Variants in DENND2C observed in about 807,000 individuals in gnomAD.
DENND2C encodes DENN domain containing 2C.
Under a neutral mutation model 112.4 loss-of-function variants are expected in DENND2C, and 72 were observed. The observed-to-expected ratio is 0.64, with a 90% CI of 0.53 to 0.78. The LOEUF (loss-of-function observed/expected upper bound fraction) is 0.78, where lower values mean the gene tolerates loss of function less well. Ranked by LOEUF, DENND2C falls within the 30% of genes least tolerant of loss-of-function variation. The pLI, the probability that DENND2C is intolerant of heterozygous loss-of-function variation, is 0.00. For missense variants in DENND2C, 992 were observed against 1,113.8 expected, an observed-to-expected ratio of 0.89 and a Z score of 1.56; for synonymous variants, 329 against 381.6, an observed-to-expected ratio of 0.86 and a Z score of 1.61.
chr1:114,649,029 A>G (rs1238346156), intron 2 of DENND2C, among the ~76,000 whole-genome samples: 1 of 151,318 alleles, frequency 6.6e-6, no homozygotes, highest in Non-Finnish European at 1.5e-5. Context: ...ATCTTGGCTC[A>G]CTGCAACATC....
At chr1:114,597,963 T>C (rs1158665301) in intron 16 of DENND2C, among the ~76,000 whole-genome samples, 1 of 152,154 alleles carries the variant, frequency 6.6e-6, no homozygotes, top group Non-Finnish European at 1.5e-5. Flanking sequence ...GGCTAAATTA[T>C]ACAACTGATG....
chr1:114,622,803 C>CA (rs370119447), intron 6 of DENND2C, among the ~76,000 whole-genome samples, 184 bp downstream of exon 6: 399 of 100,562 alleles, frequency 4.0e-3, no homozygotes, highest in Non-Finnish European at 6.2e-3. Context: ...AAACAACAAC[C>CA]AAAAAAAAAA....
At chr1:114,621,436 T>C (rs538465660) in intron 7 of DENND2C, among the ~76,000 whole-genome samples, 130 of 152,208 alleles carry the variant, frequency 8.5e-4, no homozygotes, top group Non-Finnish European at 1.6e-3. Flanking sequence ...TCCCAAGTAA[T>C]AGATTTGTTT....
chr1:114,663,520 A>G (rs1657556898), intron 1 of DENND2C, among the ~76,000 whole-genome samples: 1 of 152,214 alleles, frequency 6.6e-6, no homozygotes, highest in Non-Finnish European at 1.5e-5. Context: ...AACAGGAGGT[A>G]TGATTTCGAA....
chr1:114,585,925 C>G (rs1655026161), intron 20 of DENND2C, among the ~76,000 whole-genome samples: 1 of 152,016 alleles, frequency 6.6e-6, no homozygotes, highest in South Asian at 2.1e-4. Context: ...TCCTGGAGCC[C>G]AGGGGAAAAT....
chr1:114,593,135 A>G (rs962725940), intron 18 of DENND2C, among the ~76,000 whole-genome samples: 1 of 151,340 alleles, frequency 6.6e-6, no homozygotes. Context: ...ACCTGCCCAC[A>G]CTCCTGGCAG....
At chr1:114,619,678 G>C (rs979387056) in intron 7 of DENND2C, among the ~76,000 whole-genome samples, 1 of 151,884 alleles carries the variant, frequency 6.6e-6, no homozygotes, top group African/African-American at 2.4e-5. Context: ...CAAAAAACAA[G>C]AGAATCTAAA....
At chr1:114,623,486 T>C (rs779122780) in intron 5 of DENND2C, 21 bp downstream of exon 5, 1 of 1,594,916 alleles carries the variant, frequency 6.3e-7, no homozygotes, top group Non-Finnish European at 8.5e-7. Flanking sequence ...TAAATTTAAC[T>C]GCAAAGTTGT....
chr1:114,627,368 G>A (rs1202476802), intron 3 of DENND2C, among the ~76,000 whole-genome samples: 1 of 152,172 alleles, frequency 6.6e-6, no homozygotes, highest in African/African-American at 2.4e-5. Flanking sequence ...CTTTGTCTGT[G>A]TGGCCTTGAT....
intron 1 of DENND2C, among the ~76,000 whole-genome samples, chr1:114,657,421 C>T (rs1250146271): frequency 1.3e-5 from 2 of 152,120 alleles, no homozygotes; most frequent in African/African-American, 4.8e-5. Flanking sequence ...AGTTCTCAGA[C>T]ATTTTAGGTA....
At chr1:114,608,946 C>A in intron 9 of DENND2C, 73 bp from the exon 10 acceptor site, 2 of 1,513,708 alleles carry the variant, frequency 1.3e-6, no homozygotes, top group Non-Finnish European at 1.8e-6. Flanking sequence ...GAGGTCATGA[C>A]CCACATAGGA....
chr1:114,583,486 G>C lies in DENND2C; in HGVS notation c.*2114C>G, dbSNP rs1372722211. 1 of 139,286 alleles carries C rather than the reference G, an allele frequency of 7.2e-6. No homozygotes were observed. Among genetic ancestry groups the C allele is most frequent in the African/African-American group, 2.9e-5 (1 of 34,102 alleles). The allele number at this position is 139,286 out of a possible 1,614,324, so 8.6% of individuals were successfully genotyped here. A position where few individuals can be genotyped will look rare whatever the true frequency, so the allele number is the denominator to read the frequency against. ...CATCTGAACTTGAATTTGCCCATGA[G>C]TTTGAAAACACACACACACACACAC... On this transcript the variant is annotated 3_prime_UTR_variant, in exon 21 of 21. Transcript: ENST00000393274.
At chr1:114,652,714 A>T (rs1657205813) in intron 2 of DENND2C, among the ~76,000 whole-genome samples, 1 of 140,460 alleles carries the variant, frequency 7.1e-6, no homozygotes, top group Admixed American at 7.7e-5. Flanking sequence ...CTCATTGCCC[A>T]ACCTGAAGTG....
chr1:114,631,579 C>G (rs61811024), intron 3 of DENND2C, among the ~76,000 whole-genome samples: 1 of 151,602 alleles, frequency 6.6e-6, no homozygotes, highest in South Asian at 2.1e-4. Context: ...GTCAGGAGAT[C>G]GAGACCATCC....
intron 3 of DENND2C, among the ~76,000 whole-genome samples, chr1:114,635,350 T>G (rs1029338027): frequency 9.9e-5 from 15 of 151,642 alleles, no homozygotes; most frequent in African/African-American, 3.6e-4. Context: ...ATTAATGAAA[T>G]AGATGAACAT....
chr1:114,641,874 G>A (rs1656845634), intron 3 of DENND2C, among the ~76,000 whole-genome samples: 1 of 151,974 alleles, frequency 6.6e-6, no homozygotes, highest in Admixed American at 6.6e-5. Context: ...GTGTTTTTAT[G>A]ATGCATACAA....
chr1:114,606,833 A>C (rs940625091), intron 10 of DENND2C, among the ~76,000 whole-genome samples: 2 of 152,154 alleles, frequency 1.3e-5, no homozygotes, highest in African/African-American at 4.8e-5. Flanking sequence ...GGGTAGCTGC[A>C]GAATTGAGAC....
intron 3 of DENND2C, among the ~76,000 whole-genome samples, chr1:114,634,395 A>C (rs1250988864): frequency 1.3e-5 from 2 of 152,062 alleles, no homozygotes; most frequent in Non-Finnish European, 2.9e-5. Flanking sequence ...GTGCACTGGC[A>C]CAATCTCGGC....
intron 3 of DENND2C, among the ~76,000 whole-genome samples, chr1:114,636,024 A>C (rs1024574048): frequency 6.7e-6 from 1 of 150,312 alleles, no homozygotes; most frequent in Non-Finnish European, 1.5e-5. Flanking sequence ...ATAAATAAAT[A>C]AAACATATAA....
Sources: allele counts gnomAD v4.1 joint callset (sites outside exome capture counted in the v4.1 genomes callset), GRCh38; gene constraint gnomAD v4.1.1; transcripts MANE v1.5; gene names NCBI Gene and HGNC (gene_info 2026-07-23, HGNC 2026-07-21).